IQCM: variants seen among roughly 807,000 people sequenced by gnomAD.
The protein encoded by IQCM is IQ domain-containing protein M.
IQCM carries 45 observed loss-of-function variants against 57.6 expected under a neutral mutation model. The observed-to-expected ratio is 0.78, with a 90% CI of 0.62 to 1.00. The LOEUF (loss-of-function observed/expected upper bound fraction) is 1.00. Ranked by LOEUF, IQCM falls within the 50% of genes least tolerant of loss-of-function variation. The pLI is 0.00. For synonymous variants in IQCM, 148 were observed against 158.9 expected (o/e 0.93, Z 0.51); for missense variants, 468 against 511.6 (o/e 0.91, Z 0.82).
intron 12 of IQCM, among the ~76,000 whole-genome samples, chr4:149,457,319 C>G (rs534257851): frequency 1.3e-5 from 2 of 152,158 alleles, no homozygotes; most frequent in East Asian, 3.9e-4. Flanking sequence ...ATTGTCCTCT[C>G]TAGCTTCCTC....
chr4:149,715,238 C>T lies in IQCM; in HGVS notation c.385+18006G>A, dbSNP rs569589202. Among the ~76,000 whole-genome samples, 6 of 152,258 alleles carry T rather than the reference C, an allele frequency of 3.9e-5. No homozygotes were observed. In the East Asian group the frequency reaches 9.7e-4, roughly 25 times the overall value. ...ATTACTGGCCCAGATCCCATGCCTGCCAAGGGTGAGCCAGGCATGGAGTGG... is the reference window on the plus strand; with the variant it reads ...ATTACTGGCCCAGATCCCATGCCTGTCAAGGGTGAGCCAGGCATGGAGTGG... On this transcript the variant is annotated intron_variant, in intron 5 of 13. Coordinates refer to ENST00000636793, the MANE Select transcript of IQCM (RefSeq NM_001363507.2).
chr4:149,746,507 C>A (rs1767948351), intron 2 of IQCM, among the ~76,000 whole-genome samples: 1 of 152,128 alleles, frequency 6.6e-6, no homozygotes, highest in African/African-American at 2.4e-5. Flanking sequence ...TGTATCAGAT[C>A]ATATTATTTC....
At chr4:149,715,869 G>A (rs538664525) in intron 5 of IQCM, among the ~76,000 whole-genome samples, 11 of 152,344 alleles carry the variant, frequency 7.2e-5, no homozygotes, top group African/African-American at 1.9e-4. Context: ...CAGGGGAGAT[G>A]AGACCAGTAG....
At chr4:149,484,874 C>T (rs777721948) in intron 12 of IQCM, among the ~76,000 whole-genome samples, 4 of 152,060 alleles carry the variant, frequency 2.6e-5, no homozygotes, top group Admixed American at 6.6e-5. Context: ...CTGTAGGGTA[C>T]ATTTGGTATT....
chr4:149,572,523 T>C (rs973831972), intron 9 of IQCM, among the ~76,000 whole-genome samples: 4 of 151,912 alleles, frequency 2.6e-5, no homozygotes, highest in African/African-American at 9.7e-5. Flanking sequence ...TCAAATTTTA[T>C]ATCTCTATTA....
intron 12 of IQCM, among the ~76,000 whole-genome samples, chr4:149,546,217 T>C (rs1039167892): frequency 6.6e-6 from 1 of 152,228 alleles, no homozygotes; most frequent in South Asian, 2.1e-4. Flanking sequence ...CAGTCTATCA[T>C]TGATGGACAC....
At chr4:149,744,986 C>A (rs1181694825) in intron 2 of IQCM, among the ~76,000 whole-genome samples, 3 of 152,048 alleles carry the variant, frequency 2.0e-5, no homozygotes, top group African/African-American at 7.2e-5. Flanking sequence ...ATCACCGAGG[C>A]CTGAGAAGGT....
intron 2 of IQCM, among the ~76,000 whole-genome samples, chr4:149,798,092 A>T (rs1773277650): frequency 6.6e-6 from 1 of 152,100 alleles, no homozygotes; most frequent in Non-Finnish European, 1.5e-5. Context: ...ATAAGTAGAA[A>T]AACTAGTAAT....
intron 12 of IQCM, among the ~76,000 whole-genome samples, chr4:149,546,459 C>G (rs1299832509): frequency 6.6e-6 from 1 of 152,242 alleles, no homozygotes; most frequent in Non-Finnish European, 1.5e-5. Flanking sequence ...GTTACTATTT[C>G]TCCACATCCT....
At chr4:149,722,259 T>G (rs2149857659) in intron 5 of IQCM, among the ~76,000 whole-genome samples, 2 of 152,154 alleles carry the variant, frequency 1.3e-5, no homozygotes, top group Middle Eastern at 6.8e-3. Flanking sequence ...GTTTACTCTG[T>G]TGAATATTTC....
At chr4:149,662,362 GATCT>G (rs1760299062) in intron 7 of IQCM, among the ~76,000 whole-genome samples, 1 of 152,006 alleles carries the variant, frequency 6.6e-6, no homozygotes, top group African/African-American at 2.4e-5. Context: ...CTTAACATAT[GATCT>G]ATCCTGAAGA....
chr4:149,553,091 G>A (rs1474695199), intron 11 of IQCM, 52 bp downstream of exon 11: 3 of 1,208,250 alleles, frequency 2.5e-6, no homozygotes, highest in Non-Finnish European at 3.1e-6. Flanking sequence ...AATTCCAATG[G>A]CTAAATTAAC....
At chr4:149,762,192 T>G (rs2149965657) in intron 2 of IQCM, among the ~76,000 whole-genome samples, 1 of 151,766 alleles carries the variant, frequency 6.6e-6, no homozygotes, top group South Asian at 2.1e-4. Context: ...CAAAATAATT[T>G]TCATGATTAA....
At chr4:149,641,980 A>T (rs539408624) in intron 7 of IQCM, among the ~76,000 whole-genome samples, 1 of 152,284 alleles carries the variant, frequency 6.6e-6, no homozygotes, top group Non-Finnish European at 1.5e-5. Context: ...ATTAACCAAC[A>T]TTAATACCTT....
At chr4:149,371,747 G>A (rs1273678296) in intron 13 of IQCM, among the ~76,000 whole-genome samples, 1 of 152,168 alleles carries the variant, frequency 6.6e-6, no homozygotes, top group Admixed American at 6.6e-5. Flanking sequence ...TTTTGAGGCT[G>A]AAAATGCAGC....
intron 13 of IQCM, among the ~76,000 whole-genome samples, chr4:149,365,480 T>C (rs889041302): frequency 3.9e-5 from 6 of 152,180 alleles, no homozygotes; most frequent in Non-Finnish European, 8.8e-5. Flanking sequence ...AAGAAAACTT[T>C]AATTCCTGTC....
At chr4:149,615,134 GTT>G (rs5862889) in intron 8 of IQCM, among the ~76,000 whole-genome samples, 1 of 150,322 alleles carries the variant, frequency 6.7e-6, no homozygotes, top group Non-Finnish European at 1.5e-5. Context: ...GTTAGATGTT[GTT>G]TTTTTTTCAG....
intron 12 of IQCM, among the ~76,000 whole-genome samples, chr4:149,527,639 T>C (rs1470391065): frequency 6.6e-6 from 1 of 152,186 alleles, no homozygotes; most frequent in Non-Finnish European, 1.5e-5. Flanking sequence ...ACCTGTTGAA[T>C]TTCAGTATGT....
At chr4:149,696,706 G>A (rs1225256634) in intron 5 of IQCM, among the ~76,000 whole-genome samples, 7 of 152,108 alleles carry the variant, frequency 4.6e-5, no homozygotes, top group Non-Finnish European at 8.8e-5. Context: ...GAGCAGTTCT[G>A]CTTCAGGCTA....
Sources: gnomAD v4.1 joint callset for allele counts (sites outside exome capture counted in the v4.1 genomes callset) on GRCh38, gnomAD v4.1.1 for gene constraint, MANE v1.5 for transcripts, NCBI Gene and HGNC (gene_info 2026-07-23, HGNC 2026-07-21) for gene names.